FXR1: variants seen among roughly 807,000 people sequenced by gnomAD.
FXR1 encodes RNA-binding protein FXR1.
Under a neutral mutation model 84.0 loss-of-function variants are expected in FXR1, and 15 were observed. That is an observed-to-expected ratio of 0.18 (90% CI 0.12 to 0.27). The LOEUF (loss-of-function observed/expected upper bound fraction) is 0.27, where lower values mean the gene tolerates loss of function less well. Among genes scored for constraint, FXR1 ranks in the 10% least tolerant of loss-of-function variants. The pLI is 1.00. For synonymous variants in FXR1, 245 were observed against 250.7 expected, an observed-to-expected ratio of 0.98 and a Z score of 0.21; for missense variants, 480 against 774.4, an observed-to-expected ratio of 0.62 and a Z score of 4.51.
chr3:180,954,240 A>C (rs1428602213), intron 9 of FXR1: 1 of 159,292 alleles, frequency 6.3e-6, no homozygotes, highest in African/African-American at 2.4e-5. Context: ...TGTTTTGTTT[A>C]GTGCAGAAGA....
At position 180,936,035 on chromosome 3, in the gene FXR1, G is replaced by C. The variant is rs567527474; in HGVS notation, c.198+804G>C. ...GCCTCCTGAATAGCTGGAACTACAG[G>C]CGTGTGTCACCACGCCTGGCTAATT... On this transcript the variant is annotated intron_variant, in intron 3 of 16. Transcript: ENST00000357559. Among the ~76,000 whole-genome samples the C allele has an allele frequency of 7.9e-5, 12 of 152,152 alleles. No individual in the cohort carries two copies. The South Asian group carries it at 2.3e-3, about 29-fold the overall frequency.
chr3:180,938,462 C>T (rs1426982732), intron 3 of FXR1, among the ~76,000 whole-genome samples: 1 of 152,132 alleles, frequency 6.6e-6, no homozygotes, highest in Non-Finnish European at 1.5e-5. Flanking sequence ...TGGCTCTTAA[C>T]CCCTTGTTCT....
chr3:180,942,441 T>G (rs949611768), intron 3 of FXR1, among the ~76,000 whole-genome samples: 1 of 139,106 alleles, frequency 7.2e-6, no homozygotes, highest in Admixed American at 7.2e-5. Flanking sequence ...GAATGAAAAA[T>G]TGATGACTTT....
rs142086768 is a variant in FXR1 at position 180,919,371 on chromosome 3, G to A, written c.51+6635G>A. ...ACTATCTCGGGTCATTGCAACTTCC[G>A]CCTCCTGGGTTCACGTGATTCTCAT... On this transcript the variant is annotated intron_variant, in intron 1 of 16. Coordinates refer to ENST00000357559, the MANE Select transcript of FXR1 (RefSeq NM_005087.4). 2.0e-4 allele frequency among the ~76,000 whole-genome samples: 29 copies of A among 145,030 alleles called. No homozygotes were observed. In the East Asian group the frequency reaches 4.3e-3, roughly 22 times the overall value.
chr3:180,949,062 A>G (rs1576957460), intron 6 of FXR1, among the ~76,000 whole-genome samples, 165 bp from the exon 7 acceptor site: 1 of 152,294 alleles, frequency 6.6e-6, no homozygotes, highest in East Asian at 1.9e-4. Flanking sequence ...TCTAAATAAT[A>G]CAGGAATTCA....
chr3:180,953,820 A>G lies in FXR1; in HGVS notation c.860A>G (p.Gln287Arg). The change falls in exon 9 of 17, where the codon CAG (glutamine) becomes CGG (arginine). Residue 287 changes from glutamine to arginine, a missense_variant. By Grantham distance (43) the Gln-to-Arg change is conservative. Coordinates refer to ENST00000357559, the MANE Select transcript of FXR1 (RefSeq NM_005087.4). ...TTGGAATTTGTGGAGGATTTTATTC[A>G]GGTTCCTAGGAATCTCGTTGGTAGG... ...GFLEFVEDFI[Q>R]VPRNLVGKVI... 1.9e-6 allele frequency: 3 copies of G among 1,566,322 alleles called. No homozygotes were observed. Among genetic ancestry groups the G allele is most frequent in the East Asian group, 2.2e-5 (1 of 44,528 alleles).
intron 1 of FXR1, among the ~76,000 whole-genome samples, chr3:180,926,377 A>G (rs951689558): frequency 2.6e-5 from 4 of 151,642 alleles, no homozygotes; most frequent in South Asian, 2.1e-4. Context: ...CTCCTGCTTT[A>G]CCATGAAACT....
chr3:180,944,842 C>T (rs970535994), intron 3 of FXR1, among the ~76,000 whole-genome samples: 1 of 152,172 alleles, frequency 6.6e-6, no homozygotes, highest in Non-Finnish European at 1.5e-5. Context: ...AGGCTGGTCT[C>T]GAACTCTGGA....
chr3:180,919,924 C>G (rs1183955929), intron 1 of FXR1, among the ~76,000 whole-genome samples: 1 of 152,114 alleles, frequency 6.6e-6, no homozygotes, highest in Non-Finnish European at 1.5e-5. Flanking sequence ...CCTCAGCCTC[C>G]CAAAGTGCTG....
chr3:180,913,374 GCCTTAGCCC>G (rs1296101931), intron 1 of FXR1, among the ~76,000 whole-genome samples: 1 of 152,148 alleles, frequency 6.6e-6, no homozygotes, highest in Non-Finnish European at 1.5e-5. Context: ...ATTGGGCGGC[GCCTTAGCCC>G]CTCTATTACG....
intron 9 of FXR1, among the ~76,000 whole-genome samples, chr3:180,957,082 A>G (rs1323305828): frequency 6.6e-6 from 1 of 152,148 alleles, no homozygotes; most frequent in African/African-American, 2.4e-5. Context: ...TATTTATGTG[A>G]GTATGTGCTA....
intron 2 of FXR1, among the ~76,000 whole-genome samples, chr3:180,934,811 T>G (rs560512885): frequency 5.9e-5 from 9 of 152,348 alleles, no homozygotes; most frequent in African/African-American, 2.2e-4. Context: ...TAGTCATCAC[T>G]GTGAACTTAG....
Position 180,976,826 on chromosome 3 carries a change from TTTG to T in FXR1, c.*537_*539del, listed in dbSNP as rs1306879520. The T allele has an allele frequency of 6.6e-6, 1 of 152,658 alleles. No individual in the cohort carries two copies. Among genetic ancestry groups the T allele is most frequent in the East Asian group, 1.9e-4 (1 of 5,204 alleles). The allele number at this position is 152,658 out of a possible 1,614,324, so 9.5% of individuals were successfully genotyped here. On this transcript the variant is annotated 3_prime_UTR_variant, in exon 17 of 17. Coordinates refer to ENST00000357559, the MANE Select transcript of FXR1 (RefSeq NM_005087.4). The stretch of plus-strand genomic sequence containing the variant: ...AAAATCTGCAGACCACTGGAATACA[TTTG>T]TTAAACTCTCATCTGCAGGGACACT...
intron 10 of FXR1, among the ~76,000 whole-genome samples, chr3:180,958,165 T>C (rs549292600): frequency 1.3e-5 from 2 of 152,210 alleles, no homozygotes; most frequent in Non-Finnish European, 2.9e-5. Flanking sequence ...ACATAAAGAT[T>C]TCTATTTGAT....
chr3:180,958,042 A>T, intron 10 of FXR1, 114 bp downstream of exon 10: 1 of 459,940 alleles, frequency 2.2e-6, no homozygotes, highest in Admixed American at 4.1e-5. Flanking sequence ...TTCTTTTTAA[A>T]ATTATGTTTT....
At chr3:180,917,586 C>G (rs1317123860) in intron 1 of FXR1, among the ~76,000 whole-genome samples, 2 of 152,072 alleles carry the variant, frequency 1.3e-5, no homozygotes, top group South Asian at 2.1e-4. Flanking sequence ...CAGATAGTTG[C>G]AAAACGTGGA....
At position 180,976,245 on chromosome 3, in the gene FXR1, AAAG is replaced by A. The variant is rs1193488095; in HGVS notation, c.1825_1827del (p.Glu609del). 3.1e-6 allele frequency: 5 copies of A among 1,612,200 alleles called. No homozygotes were observed. Among genetic ancestry groups the A allele is most frequent in the Admixed American group, 3.3e-5 (2 of 59,846 alleles). ...AGGAGAAGAAAAGATTAATACCTTAAAAGAAGAAAACACTCAAGAAGCAGCAGT... is the reference window on the plus strand; with the variant it reads ...AGGAGAAGAAAAGATTAATACCTTAAAAGAAAACACTCAAGAAGCAGCAGT... On this transcript the variant is annotated inframe_deletion, in exon 17 of 17. Coordinates refer to ENST00000357559, the MANE Select transcript of FXR1 (RefSeq NM_005087.4).
At chr3:180,952,236 G>A (rs937715641) in intron 8 of FXR1, among the ~76,000 whole-genome samples, 4 of 152,138 alleles carry the variant, frequency 2.6e-5, no homozygotes, top group African/African-American at 9.7e-5. Context: ...GGGACTATAG[G>A]CGTGAGCCAC....
Position 180,968,824 on chromosome 3 carries a change from T to C in FXR1, c.1402+570T>C, listed in dbSNP as rs376866564. ...AACGTTTTACTTAATTACTTCTGTC[T>C]TCTAAAATTTTTTTATGCTTTACAT... is the stretch of plus-strand genomic sequence containing the variant. On this transcript the variant is annotated intron_variant, in intron 14 of 16. Transcript: ENST00000357559. Among the ~76,000 whole-genome samples the C allele has an allele frequency of 2.6e-4, 40 of 152,312 alleles. 1 individual carries two copies. Among genetic ancestry groups the C allele is most frequent in the African/African-American group, 9.4e-4 (39 of 41,574 alleles).
Sources: gnomAD v4.1 joint callset for allele counts (sites outside exome capture counted in the v4.1 genomes callset) on GRCh38, gnomAD v4.1.1 for gene constraint, MANE v1.5 for transcripts, NCBI Gene and HGNC (gene_info 2026-07-23, HGNC 2026-07-21) for gene names.